Variants in TPO observed in about 807,000 individuals in gnomAD.
TPO encodes the protein thyroid peroxidase, also known as thyroid microsomal antigen.
In TPO, 78 loss-of-function variants were observed where a neutral mutation model predicts 96.9. The ratio of observed to expected loss-of-function variants is 0.81; its 90% confidence interval spans 0.67 to 0.97. TPO has a LOEUF of 0.97. TPO is among the 50% of genes least tolerant of loss of function. TPO has a pLI of 0.00. For synonymous variants in TPO, 547 were observed against 538.0 expected (o/e 1.02, Z -0.23); for missense variants, 1,252 against 1,274.8 (o/e 0.98, Z 0.27).
At chr2:1,375,128 GA>G (rs5828815) in intron 1 of TPO, among the ~76,000 whole-genome samples, 73,701 of 151,374 alleles carry the variant, frequency 0.49, 20,002 homozygotes, top group Admixed American at 0.61. Flanking sequence ...TTTAAAAAGG[GA>G]AAAAAAAGCA....
chr2:1,507,095 C>T (rs1254701468), intron 14 of TPO, among the ~76,000 whole-genome samples: 2 of 152,118 alleles, frequency 1.3e-5, no homozygotes, highest in Admixed American at 1.3e-4. Context: ...TTTCAGCTTT[C>T]TACATATGGC....
intron 1 of TPO, among the ~76,000 whole-genome samples, chr2:1,404,703 GT>G (rs1662223092): frequency 6.6e-6 from 1 of 152,146 alleles, no homozygotes; most frequent in South Asian, 2.1e-4. Context: ...AGAAACAAAT[GT>G]CCGTGGTTTA....
At chr2:1,491,204 C>T (rs1005122732) in intron 10 of TPO, among the ~76,000 whole-genome samples, 1 of 151,518 alleles carries the variant, frequency 6.6e-6, no homozygotes, top group African/African-American at 2.4e-5. Flanking sequence ...TTTTGCATTC[C>T]CGTTTCTGCA....
intron 1 of TPO, among the ~76,000 whole-genome samples, chr2:1,394,003 A>C (rs1032586093): frequency 1.3e-5 from 2 of 152,196 alleles, no homozygotes; most frequent in African/African-American, 4.8e-5. Context: ...TAACCTTTCA[A>C]ATACCACTTT....
At chr2:1,464,147 G>A (rs752017969) in intron 7 of TPO, among the ~76,000 whole-genome samples, 23 of 152,266 alleles carry the variant, frequency 1.5e-4, no homozygotes, top group Admixed American at 3.3e-4. Context: ...AACATAAAAT[G>A]TTTGGTTTTC....
At chr2:1,522,506 C>A (rs1296355325) in intron 15 of TPO, among the ~76,000 whole-genome samples, 1 of 151,398 alleles carries the variant, frequency 6.6e-6, no homozygotes, top group African/African-American at 2.4e-5. Context: ...CGTGCCCTCA[C>A]AGTCTCTCTG....
chr2:1,535,261 C>CCG, intron 15 of TPO, among the ~76,000 whole-genome samples: 1 of 144,664 alleles, frequency 6.9e-6, no homozygotes. Flanking sequence ...TGTGCAACCT[C>CCG]CCAAAATCCC....
At chr2:1,450,860 A>C (rs1277848370) in intron 5 of TPO, among the ~76,000 whole-genome samples, 1 of 152,208 alleles carries the variant, frequency 6.6e-6, no homozygotes, top group African/African-American at 2.4e-5. Flanking sequence ...ACCAACCATA[A>C]CGAATCTGAA....
At chr2:1,528,264 C>T (rs1352808417) in intron 15 of TPO, among the ~76,000 whole-genome samples, 1 of 123,714 alleles carries the variant, frequency 8.1e-6, no homozygotes, top group Non-Finnish European at 1.6e-5. Context: ...TAGGCAACCC[C>T]CCAAATCTCC....
upstream of TPO, among the ~76,000 whole-genome samples, chr2:1,412,390 C>G (rs1301060674): frequency 6.6e-6 from 1 of 152,180 alleles, no homozygotes; most frequent in Non-Finnish European, 1.5e-5. Context: ...CCAAACCCCA[C>G]CCTCCTAGTG....
At chr2:1,390,220 C>T (rs757217486) in intron 1 of TPO, among the ~76,000 whole-genome samples, 40 of 151,950 alleles carry the variant, frequency 2.6e-4, no homozygotes, top group Admixed American at 1.3e-3. Context: ...TTCCTGTGTC[C>T]GAGTGATCTC....
intron 1 of TPO, among the ~76,000 whole-genome samples, chr2:1,385,442 A>T (rs1231112585): frequency 3.9e-5 from 6 of 151,998 alleles, no homozygotes; most frequent in Non-Finnish European, 8.8e-5. Flanking sequence ...TCTTGGGAGA[A>T]TGTGTGTGTC....
Position 1,497,801 on chromosome 2 carries a change from A to G in TPO, c.2386+1036A>G, listed in dbSNP as rs139083879. Among the ~76,000 whole-genome samples the G allele has an allele frequency of 8.6e-3, 1,303 of 152,226 alleles. 10 individuals are homozygous for G. Among genetic ancestry groups the G allele is most frequent in the Middle Eastern group, 0.044 (13 of 294 alleles). On this transcript the variant is annotated intron_variant, in intron 13 of 16. Coordinates refer to ENST00000329066, the MANE Select transcript of TPO (RefSeq NM_001206744.2). The stretch of plus-strand genomic sequence containing the variant: ...CTTACCTAGACCGCAGAAGAAAGAG[A>G]TGGTCTCGTGCAAGAATCTGGCTGG...
At position 1,484,712 on chromosome 2, in the gene TPO, C is replaced by T; in HGVS notation, c.1455C>T (p.Phe485=). 1.2e-6 allele frequency: 2 copies of T among 1,614,144 alleles called. No individual in the cohort carries two copies. Among genetic ancestry groups the T allele is most frequent in the South Asian group, 1.1e-5 (1 of 91,078 alleles). ...STANPTVSNV[F]STAAFRFGHA... ...CCAACCCCACTGTGTCCAACGTGTT[C>T]TCCACAGCCGCCTTCCGCTTCGGCC... is the stretch of plus-strand genomic sequence containing the variant. The change falls in exon 9 of 17, where the codon TTC becomes TTT. Residue 485 remains phenylalanine, a synonymous_variant. Coordinates refer to ENST00000329066, the MANE Select transcript of TPO (RefSeq NM_001206744.2).
intron 15 of TPO, among the ~76,000 whole-genome samples, chr2:1,528,059 G>T (rs1423731851): frequency 1.4e-5 from 2 of 140,018 alleles, no homozygotes; most frequent in African/African-American, 5.5e-5. Context: ...TCCCCACTGT[G>T]TGCAACCCCC....
intron 6 of TPO, 136 bp from the exon 7 acceptor site, chr2:1,455,940 C>T: frequency 3.5e-6 from 3 of 851,462 alleles, no homozygotes; most frequent in East Asian, 2.6e-5. Context: ...GCCCTAACTC[C>T]AGGGCACAGA....
intron 7 of TPO, among the ~76,000 whole-genome samples, chr2:1,475,972 C>G (rs1297393041): frequency 6.6e-6 from 1 of 151,658 alleles, no homozygotes; most frequent in African/African-American, 2.4e-5. Flanking sequence ...ACCTCCTGTG[C>G]CTGGGTCCAT....
intron 1 of TPO, among the ~76,000 whole-genome samples, chr2:1,383,489 G>T (rs535046478): frequency 3.3e-5 from 5 of 152,240 alleles, no homozygotes; most frequent in African/African-American, 7.2e-5. Context: ...ATGATGAGCA[G>T]TTTTTCATGT....
intron 10 of TPO, among the ~76,000 whole-genome samples, chr2:1,488,918 C>T (rs1042263616): frequency 1.3e-5 from 2 of 152,186 alleles, no homozygotes; most frequent in Admixed American, 6.5e-5. Context: ...GCAGAAGGGG[C>T]CCCTATGTGT....
Sources: gnomAD v4.1 joint callset for allele counts (sites outside exome capture counted in the v4.1 genomes callset) on GRCh38, gnomAD v4.1.1 for gene constraint, MANE v1.5 for transcripts, NCBI Gene and HGNC (gene_info 2026-07-23, HGNC 2026-07-21) for gene names.